Variants in FRMD5 observed in about 807,000 individuals in gnomAD.
FRMD5 encodes the protein FERM domain-containing protein 5.
In FRMD5, 20 loss-of-function variants were observed where a neutral mutation model predicts 69.0. The observed-to-expected ratio is 0.29, with a 90% CI of 0.20 to 0.42. FRMD5 has a LOEUF of 0.42. FRMD5 is among the 10% of genes least tolerant of loss of function. FRMD5 has a pLI of 1.00. For synonymous variants in FRMD5, 271 were observed against 260.1 expected (o/e 1.04, Z -0.40); for missense variants, 595 against 708.6 (o/e 0.84, Z 1.82).
At chr15:44,032,044 G>A (rs912575374) in intron 1 of FRMD5, among the ~76,000 whole-genome samples, 2 of 152,054 alleles carry the variant, frequency 1.3e-5, no homozygotes, top group Non-Finnish European at 2.9e-5. Flanking sequence ...CAGGAATAAG[G>A]CTGCACATCT....
chr15:43,951,859 A>C (rs995477982), intron 1 of FRMD5, among the ~76,000 whole-genome samples: 4 of 152,118 alleles, frequency 2.6e-5, no homozygotes, highest in Non-Finnish European at 5.9e-5. Context: ...ACGAACAACA[A>C]CACAAGACAA....
At chr15:44,161,826 A>T (rs2140501113) in intron 1 of FRMD5, among the ~76,000 whole-genome samples, 2 of 152,320 alleles carry the variant, frequency 1.3e-5, no homozygotes, top group Middle Eastern at 6.8e-3. Context: ...GACTATTTTC[A>T]CAGGAAATTG....
At chr15:44,063,564 C>A in intron 1 of FRMD5, 2 of 522,942 alleles carry the variant, frequency 3.8e-6, no homozygotes, top group South Asian at 2.9e-5. Flanking sequence ...GTCACCTGGT[C>A]ACCAGGGCTG....
intron 1 of FRMD5, among the ~76,000 whole-genome samples, chr15:43,946,159 T>C (rs2089943722): frequency 6.6e-6 from 1 of 152,214 alleles, no homozygotes; most frequent in Non-Finnish European, 1.5e-5. Flanking sequence ...CTTTGCTCTC[T>C]TATCTCTCTC....
At chr15:43,980,696 C>G (rs562202083) in intron 1 of FRMD5, among the ~76,000 whole-genome samples, 1 of 152,032 alleles carries the variant, frequency 6.6e-6, no homozygotes, top group East Asian at 1.9e-4. Context: ...TTTTTTTTAT[C>G]TTAAAGCTGG....
intron 1 of FRMD5, among the ~76,000 whole-genome samples, chr15:43,946,751 A>T (rs2089954244): frequency 6.6e-6 from 1 of 152,148 alleles, no homozygotes; most frequent in Admixed American, 6.5e-5. Context: ...CTCCACTTTC[A>T]CTTTGCTCTC....
At chr15:44,085,151 G>T (rs1230201297) in intron 1 of FRMD5, among the ~76,000 whole-genome samples, 1 of 152,168 alleles carries the variant, frequency 6.6e-6, no homozygotes, top group East Asian at 1.9e-4. Context: ...AGGTGAACAG[G>T]TATTCCAAAT....
chr15:43,971,792 C>T (rs1237993765), intron 1 of FRMD5, among the ~76,000 whole-genome samples: 2 of 150,770 alleles, frequency 1.3e-5, no homozygotes, highest in African/African-American at 2.4e-5. Flanking sequence ...CTGCAACCTC[C>T]ATCTCCCGGG....
chr15:44,188,909 G>A (rs28421746), intron 1 of FRMD5, among the ~76,000 whole-genome samples: 13,236 of 152,034 alleles, frequency 0.087, 891 homozygotes, highest in African/African-American at 0.17. Context: ...AGCAGATGAG[G>A]TCATGGTAAT....
chr15:43,945,076 A>G (rs916644620), intron 1 of FRMD5, among the ~76,000 whole-genome samples: 7 of 151,486 alleles, frequency 4.6e-5, no homozygotes. Flanking sequence ...CATGTGCCAT[A>G]GCGCCCGGCA....
intron 1 of FRMD5, among the ~76,000 whole-genome samples, chr15:43,966,590 G>A (rs187350332): frequency 1.3e-5 from 2 of 152,244 alleles, no homozygotes; most frequent in African/African-American, 2.4e-5. Context: ...GAGAAGGAGG[G>A]ATGAGGCTGA....
At chr15:44,153,889 ACC>A (rs1479895100) in intron 1 of FRMD5, among the ~76,000 whole-genome samples, 1 of 151,880 alleles carries the variant, frequency 6.6e-6, no homozygotes, top group African/African-American at 2.4e-5. Context: ...AATTGCTTGA[ACC>A]CAGGAGGTAG....
At chr15:44,133,404 G>A (rs1364471983) in intron 1 of FRMD5, among the ~76,000 whole-genome samples, 4 of 151,498 alleles carry the variant, frequency 2.6e-5, no homozygotes, top group South Asian at 2.1e-4. Flanking sequence ...GTGAAACCCC[G>A]TGTCTACTAA....
chr15:44,062,017 G>A (rs1240658086), intron 1 of FRMD5, among the ~76,000 whole-genome samples: 1 of 152,134 alleles, frequency 6.6e-6, no homozygotes, highest in African/African-American at 2.4e-5. Context: ...GAGGTCAGTG[G>A]GAAATGTGAG....
intron 1 of FRMD5, among the ~76,000 whole-genome samples, chr15:44,157,441 A>C (rs2077546092): frequency 6.6e-6 from 1 of 152,192 alleles, no homozygotes; most frequent in Admixed American, 6.5e-5. Context: ...ATAGATGTCT[A>C]AATTATTAGT....
intron 1 of FRMD5, among the ~76,000 whole-genome samples, chr15:44,146,120 G>A (rs371807819): frequency 2.0e-5 from 3 of 152,014 alleles, no homozygotes; most frequent in Non-Finnish European, 4.4e-5. Flanking sequence ...TAAGCCCCGC[G>A]TGCATTAGCT....
intron 1 of FRMD5, among the ~76,000 whole-genome samples, chr15:44,191,767 A>C (rs978646073): frequency 6.6e-6 from 1 of 151,410 alleles, no homozygotes; most frequent in South Asian, 2.1e-4. Flanking sequence ...ATTCCTTAGG[A>C]TATTACATGC....
Position 43,883,684 on chromosome 15 carries a change from T to G in FRMD5, c.1135+19A>C, listed in dbSNP as rs2088591976. ...AACTTGGAGGACCCCAGTGGTCACC[T>G]CAAGAAGCTCATGCTCACCTTCCAT... On this transcript the variant is annotated intron_variant, in intron 13 of 13. Transcript: ENST00000417257. 3 of 1,581,632 alleles carry G rather than the reference T, an allele frequency of 1.9e-6. No homozygotes were observed. The highest frequency in any genetic ancestry group is 2.6e-6 in the Non-Finnish European group (3 of 1,158,762).
In FRMD5 at chr15:44,195,067, C is replaced by G; in HGVS notation, c.-13G>C. The G allele has an allele frequency of 6.6e-7, 1 of 1,512,332 alleles. No homozygotes were observed. The highest frequency in any genetic ancestry group is 8.8e-7 in the Non-Finnish European group (1 of 1,135,812). The allele number at this position is 1,512,332 out of a possible 1,614,324, so 93.7% of individuals were successfully genotyped here. A position where few individuals can be genotyped will look rare whatever the true frequency, so the allele number is the denominator to read the frequency against. On this transcript the variant is annotated 5_prime_UTR_variant, in exon 1 of 14. Coordinates refer to ENST00000417257, the MANE Select transcript of FRMD5 (RefSeq NM_032892.5). ...ACCTGCTCAGCATCTTCCCGCCCGC[C>G]CGCCCGGGAGCGACGCGGCGGCGCT...
Sources: allele counts gnomAD v4.1 joint callset (sites outside exome capture counted in the v4.1 genomes callset), GRCh38; gene constraint gnomAD v4.1.1; transcripts MANE v1.5; gene names NCBI Gene and HGNC (gene_info 2026-07-23, HGNC 2026-07-21).